The following LINGO2 variants were observed in gnomAD, a reference collection of about 807,000 sequenced individuals.
LINGO2 encodes the protein leucine rich repeat and Ig domain containing 2, also known as leucine-rich repeat and immunoglobulin-like domain-containing nogo receptor-interacting protein 2.
LINGO2 carries 14 observed loss-of-function variants against 30.6 expected under a neutral mutation model. The observed-to-expected ratio is 0.46, with a 90% CI of 0.30 to 0.72. The LOEUF (loss-of-function observed/expected upper bound fraction) is 0.72. LINGO2 is among the 30% of genes least tolerant of loss of function. The pLI, the probability that LINGO2 is intolerant of heterozygous loss-of-function variation, is 0.07. For missense variants in LINGO2, 729 were observed against 751.7 expected (o/e 0.97, Z 0.35); for synonymous variants, 317 against 288.5 (o/e 1.10, Z -1.00).
At chr9:28,231,820 T>G (rs1359554743) in intron 4 of LINGO2, among the ~76,000 whole-genome samples, 2 of 152,190 alleles carry the variant, frequency 1.3e-5, no homozygotes, top group East Asian at 3.9e-4. Context: ...TAGAAGGCAC[T>G]AAGCATGCAC....
At chr9:28,466,469 GA>G (rs746757856) in intron 2 of LINGO2, among the ~76,000 whole-genome samples, 10 of 152,182 alleles carry the variant, frequency 6.6e-5, no homozygotes, top group Non-Finnish European at 1.5e-4. Flanking sequence ...GTAGGTGGAA[GA>G]GGGGGAGGTG....
In LINGO2 at chr9:28,424,743, T is replaced by C. The variant is rs552530260; in HGVS notation, c.-279+51197A>G. Among the ~76,000 whole-genome samples the C allele has an allele frequency of 5.3e-5, 8 of 152,272 alleles. No homozygotes were observed. The South Asian group carries it at 1.7e-3, about 32-fold the overall frequency. On this transcript the variant is annotated intron_variant, in intron 2 of 5. Coordinates refer to ENST00000379992, the Ensembl canonical transcript of LINGO2. Reference sequence around the variant, plus strand: ...TTACAACAAGGCTTGATTTCTCTTTTATACTCTGTTTAGCCAGGTGCTATG... The same window carrying C: ...TTACAACAAGGCTTGATTTCTCTTTCATACTCTGTTTAGCCAGGTGCTATG...
chr9:28,490,642 A>T (rs149748439), intron 1 of LINGO2, among the ~76,000 whole-genome samples: 195 of 152,344 alleles, frequency 1.3e-3, no homozygotes, highest in African/African-American at 4.5e-3. Context: ...ATAAACTCAG[A>T]TTATGTGAAG....
chr9:29,124,047 T>G, the LINGO2 span, among the ~76,000 whole-genome samples: 1 of 152,160 alleles, frequency 6.6e-6, no homozygotes, highest in African/African-American at 2.4e-5. Context: ...AGCATGGTAC[T>G]TCTACCAAAA....
exon 6 of LINGO2, chr9:27,950,595 A>G (rs377033083): frequency 1.2e-5 from 19 of 1,524,482 alleles, no homozygotes; most frequent in Non-Finnish European, 1.7e-5. Flanking sequence ...GGGGCAGCCA[A>G]TGGTGGATCC....
At chr9:28,790,290 A>G in the LINGO2 span, among the ~76,000 whole-genome samples, 2 of 142,378 alleles carry the variant, frequency 1.4e-5, no homozygotes, top group South Asian at 4.6e-4. Context: ...TACATCATTC[A>G]CCTCATTTTA....
At chr9:28,092,568 G>C (rs1164263898) in intron 4 of LINGO2, among the ~76,000 whole-genome samples, 1 of 115,918 alleles carries the variant, frequency 8.6e-6, no homozygotes, top group Non-Finnish European at 1.7e-5. Flanking sequence ...GAGGGGGGAG[G>C]GATAGCATTA....
chr9:29,185,628 G>A, the LINGO2 span, among the ~76,000 whole-genome samples: 90 of 152,252 alleles, frequency 5.9e-4, no homozygotes, highest in African/African-American at 1.9e-3. Context: ...TTTAGACAAT[G>A]GAAGTGGGAT....
chr9:28,443,888 G>C (rs1015128412), intron 2 of LINGO2, among the ~76,000 whole-genome samples: 1 of 152,132 alleles, frequency 6.6e-6, no homozygotes, highest in Non-Finnish European at 1.5e-5. Flanking sequence ...CTGAAGCCTG[G>C]GTCTGGGCTG....
intron 4 of LINGO2, among the ~76,000 whole-genome samples, chr9:28,188,049 AT>A (rs1264144763): frequency 2.0e-5 from 3 of 152,230 alleles, no homozygotes; most frequent in Non-Finnish European, 2.9e-5. Flanking sequence ...AGGCTCGTTA[AT>A]CCTTTTTAAT....
chr9:28,743,975 A>G, the LINGO2 span, among the ~76,000 whole-genome samples: 3 of 149,748 alleles, frequency 2.0e-5, no homozygotes, highest in African/African-American at 7.4e-5. Flanking sequence ...CCATTTCTCT[A>G]CTGCTTTGTT....
In LINGO2 at chr9:28,475,927, GA is replaced by G; in HGVS notation, c.-279+12del. 1 of 152,678 alleles carries G rather than the reference GA, an allele frequency of 6.5e-6. No homozygotes were observed. Among genetic ancestry groups the G allele is most frequent in the East Asian group, 1.9e-4 (1 of 5,174 alleles). The allele number at this position is 152,678 out of a possible 1,614,324, so 9.5% of individuals were successfully genotyped here. A position where few individuals can be genotyped will look rare whatever the true frequency, so the allele number is the denominator to read the frequency against. Reference sequence around the variant, plus strand: ...AAAGATATCCTGAAACCTAGAAAAAGAGACTCACTTACCAGTTTGAATTGTT... The same window carrying G: ...AAAGATATCCTGAAACCTAGAAAAAGGACTCACTTACCAGTTTGAATTGTT... On this transcript the variant is annotated intron_variant, in intron 2 of 5. Transcript: ENST00000379992.
chr9:28,553,676 A>T (rs1448756205), intron 1 of LINGO2, among the ~76,000 whole-genome samples: 3 of 151,888 alleles, frequency 2.0e-5, no homozygotes, highest in South Asian at 2.1e-4. Context: ...CGAGAAGAGC[A>T]ACTCCAAGAC....
intron 1 of LINGO2, among the ~76,000 whole-genome samples, chr9:28,511,779 C>A (rs1458601564): frequency 1.3e-5 from 2 of 152,170 alleles, no homozygotes; most frequent in Non-Finnish European, 2.9e-5. Flanking sequence ...TATAGAATGG[C>A]ACACCTGGCC....
chr9:28,641,178 C>T (rs1226028417), intron 1 of LINGO2, among the ~76,000 whole-genome samples: 10 of 151,958 alleles, frequency 6.6e-5, no homozygotes, highest in East Asian at 1.9e-4. Context: ...GGACTACAGG[C>T]GCCTGCCACC....
At chr9:28,229,040 A>G (rs1448725840) in intron 4 of LINGO2, among the ~76,000 whole-genome samples, 1 of 151,810 alleles carries the variant, frequency 6.6e-6, no homozygotes, top group African/African-American at 2.4e-5. Context: ...GATCATTCTC[A>G]TGGATACACA....
the LINGO2 span, among the ~76,000 whole-genome samples, chr9:29,139,344 G>A: frequency 0.19 from 29,130 of 152,060 alleles, 2,970 homozygotes; most frequent in East Asian, 0.37. Flanking sequence ...GAAACTCTGG[G>A]ATAGTAAGCA....
the LINGO2 span, among the ~76,000 whole-genome samples, chr9:29,181,615 G>A: frequency 1.3e-5 from 2 of 151,964 alleles, no homozygotes; most frequent in Non-Finnish European, 2.9e-5. Context: ...AATCCTAGAA[G>A]GAAAAAGAGA....
chr9:28,665,037 A>G (rs1248864702), intron 1 of LINGO2, among the ~76,000 whole-genome samples: 1 of 124,482 alleles, frequency 8.0e-6, no homozygotes, highest in Admixed American at 8.0e-5. Context: ...ATATATATAT[A>G]TGTTATAAGC....
Sources: allele counts gnomAD v4.1 joint callset (sites outside exome capture counted in the v4.1 genomes callset), GRCh38; gene constraint gnomAD v4.1.1; transcripts MANE v1.5; gene names NCBI Gene and HGNC (gene_info 2026-07-23, HGNC 2026-07-21).